Variants in ADAMTS19 observed in about 807,000 individuals in gnomAD.
The protein encoded by ADAMTS19 is A disintegrin and metalloproteinase with thrombospondin motifs 19.
In ADAMTS19, 93 loss-of-function variants were observed where a neutral mutation model predicts 153.3. That is an observed-to-expected ratio of 0.61 (90% CI 0.51 to 0.72). The LOEUF (loss-of-function observed/expected upper bound fraction) is 0.72. Ranked by LOEUF, ADAMTS19 falls within the 30% of genes least tolerant of loss-of-function variation. The probability of loss-of-function intolerance (pLI) is 0.00; values close to 1 mark genes in which losing one functional copy is unlikely to be tolerated. For synonymous variants in ADAMTS19, 600 were observed against 556.6 expected, an observed-to-expected ratio of 1.08 and a Z score of -1.10; for missense variants, 1,482 against 1,552.1, an observed-to-expected ratio of 0.95 and a Z score of 0.76.
intron 9 of ADAMTS19, among the ~76,000 whole-genome samples, chr5:129,621,986 T>C (rs1751796419): frequency 6.6e-6 from 1 of 152,218 alleles, no homozygotes; most frequent in African/African-American, 2.4e-5. Context: ...TTGTACACCA[T>C]AAAGTTCTTT....
At chr5:129,592,044 G>A (rs948644582) in intron 7 of ADAMTS19, among the ~76,000 whole-genome samples, 1 of 152,006 alleles carries the variant, frequency 6.6e-6, no homozygotes, top group African/African-American at 2.4e-5. Flanking sequence ...AAATGAGAAG[G>A]CTGTTTTTGT....
chr5:129,604,098 T>G (rs1429535582), intron 8 of ADAMTS19, among the ~76,000 whole-genome samples: 1 of 151,834 alleles, frequency 6.6e-6, no homozygotes, highest in African/African-American at 2.4e-5. Flanking sequence ...ATACTGGGGC[T>G]CGGTGGGGAG....
chr5:129,527,722 G>A (rs1230382161), intron 4 of ADAMTS19, 26 bp from the exon 5 acceptor site: 1 of 1,359,526 alleles, frequency 7.4e-7, no homozygotes, highest in Non-Finnish European at 1.0e-6. Context: ...TTTAATTTTA[G>A]GATTTTTATT....
At chr5:129,640,047 T>C (rs1250719447) in intron 10 of ADAMTS19, among the ~76,000 whole-genome samples, 5 of 152,200 alleles carry the variant, frequency 3.3e-5, no homozygotes. Context: ...GTAAATGCTA[T>C]GGGCAGTTAG....
intron 11 of ADAMTS19, among the ~76,000 whole-genome samples, chr5:129,644,730 G>A (rs554584284): frequency 4.7e-4 from 71 of 152,266 alleles, no homozygotes; most frequent in African/African-American, 1.7e-3. Context: ...AATAATAAAT[G>A]TATGTATTTT....
chr5:129,720,190 G>A (rs1756935102), intron 21 of ADAMTS19, among the ~76,000 whole-genome samples: 1 of 135,878 alleles, frequency 7.4e-6, no homozygotes, highest in Admixed American at 7.4e-5. Context: ...TTTTTTTTTG[G>A]AGACAAAGTC....
intron 8 of ADAMTS19, among the ~76,000 whole-genome samples, chr5:129,617,240 A>T (rs1751572107): frequency 6.6e-6 from 1 of 151,992 alleles, no homozygotes; most frequent in Non-Finnish European, 1.5e-5. Context: ...TTATGAGTTA[A>T]ATGGCTTTAG....
chr5:129,490,839 GGTT>G (rs1334888156), intron 2 of ADAMTS19, among the ~76,000 whole-genome samples: 2 of 151,976 alleles, frequency 1.3e-5, no homozygotes, highest in East Asian at 3.9e-4. Flanking sequence ...AGGTCGCTTA[GGTT>G]GTTTTTCGAT....
chr5:129,641,899 A>G lies in ADAMTS19; in HGVS notation c.1811A>G (p.Glu604Gly). 1 of 1,604,122 alleles carries G rather than the reference A, an allele frequency of 6.2e-7. No individual in the cohort carries two copies. Among genetic ancestry groups the G allele is most frequent in the South Asian group, 1.1e-5 (1 of 90,138 alleles). The change falls in exon 11 of 23, where the codon GAG becomes GGG. Residue 604 changes from glutamate to glycine, a missense_variant. Around this residue, in one of 2 missense-constraint regions of ADAMTS19, gnomAD observed 866 missense variants for 827.7 expected, o/e 1.05. Transcript: ENST00000274487. The part of the protein sequence containing the change: ...CTGLWCKVEG[E>G]KECRTKLDPP... ...GGATTATGGTGCAAGGTAGAAGGTG[A>G]GAAAGAATGCAGAACCAAGCTAGAC...
chr5:129,570,248 C>A (rs1753850416), intron 7 of ADAMTS19, among the ~76,000 whole-genome samples: 4 of 151,806 alleles, frequency 2.6e-5, no homozygotes, highest in Non-Finnish European at 4.4e-5. Context: ...GGGAAGATAT[C>A]ATTATAGACC....
intron 3 of ADAMTS19, among the ~76,000 whole-genome samples, chr5:129,509,803 C>T (rs1160445777): frequency 6.6e-6 from 1 of 151,856 alleles, no homozygotes. Context: ...TAAACATTCC[C>T]AACCATCAAA....
At chr5:129,580,849 C>G (rs770159732) in intron 7 of ADAMTS19, among the ~76,000 whole-genome samples, 1 of 151,994 alleles carries the variant, frequency 6.6e-6, no homozygotes, top group African/African-American at 2.4e-5. Flanking sequence ...ATTTTATTGA[C>G]GATTTTTGCA....
chr5:129,582,305 A>T (rs1749555244), intron 7 of ADAMTS19, among the ~76,000 whole-genome samples: 1 of 151,046 alleles, frequency 6.6e-6, no homozygotes, highest in Non-Finnish European at 1.5e-5. Flanking sequence ...TATATTTAGG[A>T]TAGTTAGCTC....
At chr5:129,490,020 G>T (rs147980959) in intron 2 of ADAMTS19, among the ~76,000 whole-genome samples, 1 of 152,252 alleles carries the variant, frequency 6.6e-6, no homozygotes, top group East Asian at 1.9e-4. Flanking sequence ...AATTAATGCA[G>T]AATAGTAAAT....
rs2127227652 is a variant in ADAMTS19 at position 129,734,974 on chromosome 5, C to T, written c.3355C>T (p.Gln1119Ter). 1 of 1,610,624 alleles carries T rather than the reference C, an allele frequency of 6.2e-7. No individual in the cohort carries two copies. The highest frequency in any genetic ancestry group is 8.5e-7 in the Non-Finnish European group (1 of 1,178,278). ...CAAAGGAATGCAGTCCCGTGTAATC[C>T]AATGCATGCATAAGATCACAGGAAG... Reference protein sequence around the residue: ...CGKGMQSRVIQCMHKITGRHG... With the variant: ...CGKGMQSRVI The change falls in exon 22 of 23, where the codon CAA (glutamine) becomes TAA (stop). Residue 1119 changes from glutamine to a stop codon, truncating the protein, a stop_gained. Transcript: ENST00000274487. LOFTEE classifies it high-confidence loss of function.
At chr5:129,471,737 G>A (rs1750076169) in intron 2 of ADAMTS19, among the ~76,000 whole-genome samples, 1 of 152,090 alleles carries the variant, frequency 6.6e-6, no homozygotes, top group African/African-American at 2.4e-5. Context: ...CCCAGAGTCT[G>A]TAGTTCCTCT....
At chr5:129,474,741 A>C (rs1750170146) in intron 2 of ADAMTS19, among the ~76,000 whole-genome samples, 1 of 152,068 alleles carries the variant, frequency 6.6e-6, no homozygotes, top group African/African-American at 2.4e-5. Context: ...GGCAACCATT[A>C]ATCTACTTTG....
chr5:129,582,018 A>G (rs1383292598), intron 7 of ADAMTS19, among the ~76,000 whole-genome samples: 1 of 151,896 alleles, frequency 6.6e-6, no homozygotes, highest in Non-Finnish European at 1.5e-5. Context: ...TTTATTTCCA[A>G]TGATGTGGTG....
chr5:129,531,488 G>A (rs1382422283), intron 6 of ADAMTS19, among the ~76,000 whole-genome samples: 2 of 152,098 alleles, frequency 1.3e-5, no homozygotes, highest in African/African-American at 2.4e-5. Context: ...AGCTGGGCAT[G>A]GTGGTGCATG....
Sources: gnomAD v4.1 joint callset for allele counts (sites outside exome capture counted in the v4.1 genomes callset) on GRCh38, gnomAD v4.1.1 for gene constraint, gnomAD v4.1.1 regional missense constraint, MANE v1.5 for transcripts, NCBI Gene and HGNC (gene_info 2026-07-23, HGNC 2026-07-21) for gene names.